The following PAPOLA variants were observed in gnomAD, a reference collection of about 807,000 sequenced individuals.
PAPOLA encodes the protein poly(A) polymerase alpha, also known as polynucleotide adenylyltransferase alpha.
Under a neutral mutation model 100.6 loss-of-function variants are expected in PAPOLA, and 15 were observed. The ratio of observed to expected loss-of-function variants is 0.15; its 90% CI spans 0.10 to 0.23. The LOEUF (loss-of-function observed/expected upper bound fraction) is 0.23. Among genes scored for constraint, PAPOLA ranks in the 10% least tolerant of loss-of-function variants. The probability of loss-of-function intolerance (pLI) is 1.00; values close to 1 mark genes in which losing one functional copy is unlikely to be tolerated. For synonymous variants in PAPOLA, 293 were observed against 300.0 expected (o/e 0.98, Z 0.24); for missense variants, 533 against 884.2 (o/e 0.60, Z 5.04).
chr14:96,531,625 T>C lies in PAPOLA; in HGVS notation c.607+39T>C, dbSNP rs766868315. The C allele has an allele frequency of 5.8e-6, 9 of 1,564,698 alleles. No individual in the cohort carries two copies. In the South Asian group the frequency reaches 1.0e-4, roughly 18 times the overall value. On this transcript the variant is annotated intron_variant, in intron 7 of 21. Coordinates refer to ENST00000216277, the MANE Select transcript of PAPOLA (RefSeq NM_032632.5). ...TACTTCCTTTTGTGTACTTCAGTTT[T>C]TGTCAGATATTAGTTGTTTTTACAC... is the stretch of plus-strand genomic sequence containing the variant.
chr14:96,555,821 A>G (rs763404323), intron 17 of PAPOLA, 26 bp from the exon 18 acceptor site: 3 of 1,227,930 alleles, frequency 2.4e-6, no homozygotes, highest in Admixed American at 4.5e-5. Context: ...AAATTTTGAG[A>G]CAATTTTTAA....
chr14:96,544,006 G>T, intron 14 of PAPOLA, 143 bp from the exon 15 acceptor site: 1 of 609,240 alleles, frequency 1.6e-6, no homozygotes. Context: ...AGGACTTTGC[G>T]TTTTCATGGA....
intron 1 of PAPOLA, among the ~76,000 whole-genome samples, chr14:96,513,086 A>T (rs1245910813): frequency 6.6e-6 from 1 of 152,014 alleles, no homozygotes; most frequent in East Asian, 1.9e-4. Context: ...TTTTTTGGGG[A>T]TGGAGTCCCG....
Position 96,535,976 on chromosome 14 carries a change from T to G in PAPOLA, c.1007T>G (p.Val336Gly), listed in dbSNP as rs762189323. The change falls in exon 11 of 22, where the codon GTC becomes GGC. Residue 336 changes from valine (V) to glycine (G), a missense_variant. By Grantham distance (109) the Val-to-Gly change is moderately radical (BLOSUM62 -3). Transcript: ENST00000216277. ...TYNVSVSTRM[V>G]MVEEFKQGLA... is the part of the protein sequence containing the mutation. ...AATGTGTCCGTTTCAACACGGATGG[T>G]CATGGTTGAGGAGTTTAAACAAGGT... 1 of 1,605,320 alleles carries G rather than the reference T, an allele frequency of 6.2e-7. No homozygotes were observed. Among genetic ancestry groups the G allele is most frequent in the Non-Finnish European group, 8.5e-7 (1 of 1,175,598 alleles).
chr14:96,566,715 CGAAGAAA>C lies in PAPOLA; in HGVS notation c.*1666_*1672del, dbSNP rs1902301502. On this transcript the variant is annotated 3_prime_UTR_variant, in exon 22 of 22. Transcript: ENST00000216277. ...GTCACCTTGCCCTTCCTTCCACCAC[CGAAGAAA>C]AAAGATGGTCATACTAACAGGTGAA... 6.6e-6 allele frequency: 1 copy of C among 152,542 alleles called. No homozygotes were observed. Among genetic ancestry groups the C allele is most frequent in the East Asian group, 1.9e-4 (1 of 5,178 alleles). 9.4% of individuals were successfully genotyped at this position (152,542 alleles called of 1,614,324 possible).
In PAPOLA at chr14:96,562,828, G is replaced by A; in HGVS notation, c.2077G>A (p.Asp693Asn). The A allele has an allele frequency of 6.2e-7, 1 of 1,607,814 alleles. No homozygotes were observed. Among genetic ancestry groups the A allele is most frequent in the South Asian group, 1.1e-5 (1 of 90,728 alleles). Residue 693 changes from aspartate to asparagine, a missense_variant, in exon 21 of 22, where the codon GAT (aspartate) becomes AAT (asparagine). This residue lies in a region of PAPOLA where 242 missense variants were observed against 281.0 expected (regional missense o/e 0.86). Transcript: ENST00000216277. ...CCTCTTTGTCTCACAGGAACAACTT[G>A]ATACAGAGACAAGTACAACTCAATC... Reference protein sequence around the residue: ...HDKTEAKEQLDTETSTTQSET... With the variant: ...HDKTEAKEQLNTETSTTQSET...
chr14:96,532,799 A>G (rs1259558442), intron 9 of PAPOLA, 150 bp downstream of exon 9: 14 of 1,351,964 alleles, frequency 1.0e-5, no homozygotes, highest in Non-Finnish European at 1.3e-5. Context: ...TTGTGTATAA[A>G]ATGGCAAACT....
At chr14:96,542,630 G>A in intron 13 of PAPOLA, 144 bp from the exon 14 acceptor site, 1 of 728,580 alleles carries the variant, frequency 1.4e-6, no homozygotes, top group Non-Finnish European at 2.2e-6. Context: ...TTTCCCCGTT[G>A]TTTGGCAATT....
At chr14:96,512,253 A>G (rs1461575638) in intron 1 of PAPOLA, among the ~76,000 whole-genome samples, 1 of 152,114 alleles carries the variant, frequency 6.6e-6, no homozygotes, top group Non-Finnish European at 1.5e-5. Context: ...GACATAATAT[A>G]CAAATAGTTA....
chr14:96,509,356 A>G (rs539874079), intron 1 of PAPOLA, among the ~76,000 whole-genome samples: 4 of 152,318 alleles, frequency 2.6e-5, no homozygotes, highest in East Asian at 1.9e-4. Context: ...TATAGTTTCA[A>G]GTAGAATTAA....
chr14:96,518,279 C>T (rs1273031209), intron 1 of PAPOLA, among the ~76,000 whole-genome samples: 1 of 152,210 alleles, frequency 6.6e-6, no homozygotes, highest in African/African-American at 2.4e-5. Flanking sequence ...TTAGATCTTT[C>T]TTGATATCAC....
intron 11 of PAPOLA, among the ~76,000 whole-genome samples, chr14:96,536,344 A>C (rs1899526350): frequency 6.6e-6 from 1 of 152,102 alleles, no homozygotes; most frequent in African/African-American, 2.4e-5. Context: ...AAGAACTTTG[A>C]GCAGGAATGG....
intron 7 of PAPOLA, chr14:96,531,829 C>T: frequency 1.4e-6 from 2 of 1,408,834 alleles, no homozygotes; most frequent in Non-Finnish European, 9.2e-7. Flanking sequence ...AAAAGACCAT[C>T]TGACTTTTGT....
At chr14:96,503,651 A>G (rs1003080185) in intron 1 of PAPOLA, among the ~76,000 whole-genome samples, 4 of 152,166 alleles carry the variant, frequency 2.6e-5, no homozygotes, top group Admixed American at 2.6e-4. Flanking sequence ...TAGTAGCCTC[A>G]AAACGCAACA....
intron 16 of PAPOLA, among the ~76,000 whole-genome samples, chr14:96,551,568 A>T (rs1900851123): frequency 6.6e-6 from 1 of 152,224 alleles, no homozygotes; most frequent in African/African-American, 2.4e-5. Flanking sequence ...GAATGCAGGC[A>T]CATGTATAAG....
chr14:96,547,928 G>C lies in PAPOLA; in HGVS notation c.1521+10G>C. 4 of 1,593,998 alleles carry C rather than the reference G, an allele frequency of 2.5e-6. No homozygotes were observed. The highest frequency in any genetic ancestry group is 3.4e-6 in the Non-Finnish European group (4 of 1,170,140). ...TCAGAAAAAGAAAAAGGTAAATTTA[G>C]AAAGTACTTACAAAAGCATTACTAA... On this transcript the variant is annotated intron_variant, in intron 16 of 21. Coordinates refer to ENST00000216277, the MANE Select transcript of PAPOLA (RefSeq NM_032632.5).
chr14:96,535,735 C>A (rs1022742178), intron 10 of PAPOLA, 144 bp from the exon 11 acceptor site: 59 of 798,122 alleles, frequency 7.4e-5, no homozygotes, highest in Non-Finnish European at 6.7e-5. Context: ...AAAACAATGT[C>A]TCTCTACATG....
chr14:96,507,520 C>G (rs1896815858), intron 1 of PAPOLA, among the ~76,000 whole-genome samples: 3 of 152,022 alleles, frequency 2.0e-5, no homozygotes, highest in Admixed American at 6.6e-5. Flanking sequence ...CGTGATCCGC[C>G]TGCCTCGGCC....
chr14:96,512,312 G>T (rs1036671032), intron 1 of PAPOLA, among the ~76,000 whole-genome samples: 4 of 151,920 alleles, frequency 2.6e-5, no homozygotes, highest in Non-Finnish European at 5.9e-5. Flanking sequence ...GAGCTATAAG[G>T]GAGGATCGCC....
Sources: gnomAD v4.1 joint callset for allele counts (sites outside exome capture counted in the v4.1 genomes callset) on GRCh38, gnomAD v4.1.1 for gene constraint, gnomAD v4.1.1 regional missense constraint, MANE v1.5 for transcripts, NCBI Gene and HGNC (gene_info 2026-07-23, HGNC 2026-07-21) for gene names.